Variants in ESCO2 observed in about 807,000 individuals in gnomAD.
ESCO2 encodes the protein N-acetyltransferase ESCO2.
ESCO2 carries 51 observed loss-of-function variants against 61.7 expected under a neutral mutation model. That is an observed-to-expected ratio of 0.83 (90% CI 0.66 to 1.04). The LOEUF (loss-of-function observed/expected upper bound fraction) is 1.04. ESCO2 is among the 50% of genes least tolerant of loss of function. The pLI is 0.00. For missense variants in ESCO2, 692 were observed against 686.2 expected (o/e 1.01, Z -0.09); for synonymous variants, 230 against 238.2 (o/e 0.97, Z 0.32).
chr8:27,815,096 G>T (rs1278555968), downstream of ESCO2, among the ~76,000 whole-genome samples: 1 of 152,130 alleles, frequency 6.6e-6, no homozygotes, highest in East Asian at 1.9e-4. Flanking sequence ...GCTGTTTACT[G>T]AAAGAAATTT....
chr8:27,799,183 T>C (rs531899897), intron 9 of ESCO2, among the ~76,000 whole-genome samples: 3 of 152,326 alleles, frequency 2.0e-5, no homozygotes, highest in Non-Finnish European at 4.4e-5. Flanking sequence ...AGTTAATAGA[T>C]ATAAATCTTC....
intron 7 of ESCO2, 126 bp downstream of exon 7, chr8:27,789,104 C>G: frequency 8.3e-7 from 1 of 1,205,934 alleles, no homozygotes; most frequent in East Asian, 2.6e-5. Flanking sequence ...AGCTTACTAT[C>G]TCAATTTAAG....
rs1443470231 is a variant in ESCO2 at position 27,777,126 on chromosome 8, GACT to G, written c.822_824del (p.Leu275del). On this transcript the variant is annotated inframe_deletion, in exon 3 of 11. Coordinates refer to ENST00000305188, the MANE Select transcript of ESCO2 (RefSeq NM_001017420.3). Reference sequence around the variant, plus strand: ...GTCCTAGAAGAGAAATTGAAAATTGGACTACTGAGTGCAAGCAGTAAAAATAAA... The same window carrying G: ...GTCCTAGAAGAGAAATTGAAAATTGGACTGAGTGCAAGCAGTAAAAATAAA... 1.3e-6 allele frequency: 2 copies of G among 1,596,162 alleles called. No homozygotes were observed. The highest frequency in any genetic ancestry group is 1.2e-5 in the South Asian group (1 of 86,614).
rs1805366286 is a variant in ESCO2 at position 27,799,092 on chromosome 8, CTGTAGT to C, written c.1498-448_1498-443del. Among the ~76,000 whole-genome samples the C allele has an allele frequency of 2.0e-5, 3 of 151,972 alleles. No homozygotes were observed. The South Asian group carries it at 6.2e-4, about 32-fold the overall frequency. ...AACTCAGGGAAGGATACATGCTCCT[CTGTAGT>C]GGTTTTTTTCAACTTCTTATGAATC... On this transcript the variant is annotated intron_variant, in intron 9 of 10. Transcript: ENST00000305188.
At chr8:27,801,939 T>G (rs1302950796) in intron 10 of ESCO2, among the ~76,000 whole-genome samples, 1 of 151,750 alleles carries the variant, frequency 6.6e-6, no homozygotes, top group Non-Finnish European at 1.5e-5. Flanking sequence ...TATTTCACTT[T>G]TGTCTGTTGT....
chr8:27,795,264 G>T (rs997661815), intron 9 of ESCO2, among the ~76,000 whole-genome samples: 1 of 152,004 alleles, frequency 6.6e-6, no homozygotes. Context: ...CATAAGTGGG[G>T]TTTTTTATGC....
chr8:27,786,719 A>G (rs1397473451), intron 5 of ESCO2, among the ~76,000 whole-genome samples: 8 of 151,544 alleles, frequency 5.3e-5, no homozygotes, highest in Admixed American at 1.3e-4. Flanking sequence ...TTTGAAAACT[A>G]CTTTTCAGAC....
Position 27,792,669 on chromosome 8 carries a change from TAGA to T in ESCO2, c.1359_1361del (p.Glu453del). The T allele has an allele frequency of 1.9e-6, 3 of 1,612,334 alleles. No homozygotes were observed. Among genetic ancestry groups the T allele is most frequent in the East Asian group, 2.2e-5 (1 of 44,732 alleles). On this transcript the variant is annotated inframe_deletion and splice_region_variant, in exon 9 of 11. Coordinates refer to ENST00000305188, the MANE Select transcript of ESCO2 (RefSeq NM_001017420.3). ...TGTCTTGGTTTTTAAAATCATTAGG[TAGA>T]AGATGTCCAAGAACTTGTTGATAAT...
chr8:27,777,335 T>G, intron 3 of ESCO2, 166 bp downstream of exon 3: 1 of 635,756 alleles, frequency 1.6e-6, no homozygotes, highest in South Asian at 2.1e-5. Context: ...AGACAGGGTC[T>G]TTCTTTATGA....
At chr8:27,785,932 ATAAT>A (rs1219876404) in intron 5 of ESCO2, among the ~76,000 whole-genome samples, 3 of 152,326 alleles carry the variant, frequency 2.0e-5, no homozygotes, top group African/African-American at 4.8e-5. Flanking sequence ...AGATGTGAAG[ATAAT>A]TAATGTGGTC....
Position 27,803,400 on chromosome 8 carries a change from A to C in ESCO2, c.1768A>C (p.Asn590His). ...DGKLFATKYC[N>H]TPNFLVYNFN... ...CAAGTTATTTGCAACCAAGTACTGC[A>C]ACACCCCTAATTTCCTCGTATATAA... Residue 590 changes from asparagine to histidine, a missense_variant, in exon 11 of 11, where the codon AAC (asparagine) becomes CAC (histidine). Physicochemically the swap from Asn to His is moderately conservative, Grantham distance 68 (BLOSUM62 1). Transcript: ENST00000305188. 6.2e-7 allele frequency: 1 copy of C among 1,613,896 alleles called. No individual in the cohort carries two copies. The highest frequency in any genetic ancestry group is 8.5e-7 in the Non-Finnish European group (1 of 1,179,798).
At chr8:27,801,969 A>ATTTTTTTTTTTTT (rs34539100) in intron 10 of ESCO2, among the ~76,000 whole-genome samples, 5 of 83,780 alleles carry the variant, frequency 6.0e-5, no homozygotes, top group African/African-American at 9.6e-5. Context: ...CCTTCATGGC[A>ATTTTTTTTTTTTT]TTTTTTTTTT....
upstream of ESCO2, among the ~76,000 whole-genome samples, chr8:27,774,191 T>C (rs1297421206): frequency 7.9e-5 from 12 of 152,136 alleles, no homozygotes; most frequent in South Asian, 2.5e-3. Flanking sequence ...TATTTATTTA[T>C]TTTTGAGACG....
chr8:27,811,023 G>C, downstream of ESCO2: 1 of 1,613,120 alleles, frequency 6.2e-7, no homozygotes, highest in Non-Finnish European at 8.5e-7. Flanking sequence ...TTCCCACAAA[G>C]TAAGGCCAAA....
intron 9 of ESCO2, among the ~76,000 whole-genome samples, chr8:27,799,094 G>A (rs1805366350): frequency 6.6e-6 from 1 of 152,022 alleles, no homozygotes; most frequent in African/African-American, 2.4e-5. Flanking sequence ...ATGCTCCTCT[G>A]TAGTGGTTTT....
In ESCO2 at chr8:27,791,944, T is replaced by C; in HGVS notation, c.1264-19T>C. 6.2e-7 allele frequency: 1 copy of C among 1,611,192 alleles called. No homozygotes were observed. The highest frequency in any genetic ancestry group is 8.5e-7 in the Non-Finnish European group (1 of 1,177,392). On this transcript the variant is annotated intron_variant, in intron 7 of 10. Transcript: ENST00000305188. ...CTCTTCACAAATTAAACTGTGACCCTTTTGTTTTCCTTTGGCAGGGTTGGA... is the reference window on the plus strand; with the variant it reads ...CTCTTCACAAATTAAACTGTGACCCCTTTGTTTTCCTTTGGCAGGGTTGGA...
At chr8:27,805,517 G>GT (rs1585414979), downstream of ESCO2, among the ~76,000 whole-genome samples, 1 of 151,830 alleles carries the variant, frequency 6.6e-6, no homozygotes, top group Non-Finnish European at 1.5e-5. Context: ...TTGTTTGTTT[G>GT]TTTGTTTTGT....
Position 27,776,558 on chromosome 8 carries a change from GTA to G in ESCO2, c.252_253del (p.Ser85PhefsTer6), listed in dbSNP as rs80359844. The G allele has an allele frequency of 1.2e-6, 2 of 1,614,102 alleles. No individual in the cohort carries two copies. Among genetic ancestry groups the G allele is most frequent in the Non-Finnish European group, 1.7e-6 (2 of 1,180,022 alleles). On this transcript the variant is annotated frameshift_variant, in exon 3 of 11. Coordinates refer to ENST00000305188, the MANE Select transcript of ESCO2 (RefSeq NM_001017420.3). LOFTEE classifies it high-confidence loss of function. ...ACCATTTAAATCTGCGCTCTCCACTGTATCTTTTTACAACCAAAATAAGTGGT... is the reference window on the plus strand; with the variant it reads ...ACCATTTAAATCTGCGCTCTCCACTGTCTTTTTACAACCAAAATAAGTGGT... ...GSPFKSALSTVSFYNQNKWYL... is the reference protein window; with the variant it reads ...GSPFKSALSTXSFYNQNKWYL...
downstream of ESCO2, chr8:27,811,141 C>G: frequency 6.2e-7 from 1 of 1,613,580 alleles, no homozygotes; most frequent in Non-Finnish European, 8.5e-7. Flanking sequence ...GTCACTGAAA[C>G]AAGCAAGATG....
Sources: allele counts gnomAD v4.1 joint callset (sites outside exome capture counted in the v4.1 genomes callset), GRCh38; gene constraint gnomAD v4.1.1; transcripts MANE v1.5; gene names NCBI Gene and HGNC (gene_info 2026-07-23, HGNC 2026-07-21).